AP3B2: variants seen among roughly 807,000 people sequenced by gnomAD.
The protein encoded by AP3B2 is adaptor related protein complex 3 subunit beta 2, also known as AP-3 complex subunit beta-2.
Under a neutral mutation model 126.9 loss-of-function variants are expected in AP3B2, and 50 were observed. The observed-to-expected ratio is 0.39, with a 90% CI of 0.31 to 0.50. The LOEUF (loss-of-function observed/expected upper bound fraction) is 0.50, where lower values mean the gene tolerates loss of function less well. Among genes scored for constraint, AP3B2 ranks in the 20% least tolerant of loss-of-function variants. The pLI is 0.79. For synonymous variants in AP3B2, 541 were observed against 565.0 expected (o/e 0.96, Z 0.60); for missense variants, 1,177 against 1,426.4 (o/e 0.83, Z 2.82).
At chr15:82,705,916 A>G (rs1240277927) in intron 1 of AP3B2, among the ~76,000 whole-genome samples, 1 of 152,016 alleles carries the variant, frequency 6.6e-6, no homozygotes, top group African/African-American at 2.4e-5. Context: ...ACTCCTTTCC[A>G]TTCCTTAAAA....
At chr15:82,671,441 T>TA (rs1483405481) in intron 14 of AP3B2, among the ~76,000 whole-genome samples, 1 of 151,656 alleles carries the variant, frequency 6.6e-6, no homozygotes, top group Non-Finnish European at 1.5e-5. Context: ...GGAGGTTCCT[T>TA]AAAAAACTAA....
chr15:82,694,706 A>G (rs986257432), intron 1 of AP3B2, among the ~76,000 whole-genome samples: 47 of 151,896 alleles, frequency 3.1e-4, no homozygotes, highest in Non-Finnish European at 1.0e-4. Flanking sequence ...AAAAACAAGA[A>G]GTACTACAGA....
chr15:82,661,618 A>G (rs567275903), intron 25 of AP3B2, among the ~76,000 whole-genome samples: 93 of 152,360 alleles, frequency 6.1e-4, no homozygotes, highest in African/African-American at 2.1e-3. Flanking sequence ...GGATGTTTCT[A>G]TGTTTCAACA....
At position 82,680,384 on chromosome 15, in the gene AP3B2, G is replaced by A. The variant is rs893956859; in HGVS notation, c.1055+88C>T. ...GGAGCGGGTGGGCAGAGGTGGAAGC[G>A]GCTGGTGGGCGTGAGGGGGCGGAGC... On this transcript the variant is annotated intron_variant, in intron 8 of 26. Coordinates refer to ENST00000535359, the MANE Select transcript of AP3B2 (RefSeq NM_001278512.2). This position sits in a 1 kb window ranked among gnomAD's most constrained non-coding sequence, Gnocchi z 6.1. 5.5e-6 allele frequency: 8 copies of A among 1,453,962 alleles called. No homozygotes were observed. Among genetic ancestry groups the A allele is most frequent in the Admixed American group, 2.2e-5 (1 of 45,106 alleles). The allele number at this position is 1,453,962 out of a possible 1,614,324, so 90.1% of individuals were successfully genotyped here.
At chr15:82,706,002 G>T (rs927709627) in intron 1 of AP3B2, among the ~76,000 whole-genome samples, 7 of 152,146 alleles carry the variant, frequency 4.6e-5, no homozygotes, top group African/African-American at 1.7e-4. Flanking sequence ...CAGCCAAAGT[G>T]CAGGGCTGTG....
rs189183179 is a variant in AP3B2, at chr15:82,670,537, A to G, written c.1666-3604T>C. Among the ~76,000 whole-genome samples, 268 of 152,372 alleles carry G rather than the reference A, an allele frequency of 1.8e-3. 1 individual carries two copies. Among genetic ancestry groups the G allele is most frequent in the South Asian group, 5.2e-3 (25 of 4,834 alleles). On this transcript the variant is annotated intron_variant, in intron 14 of 26. Coordinates refer to ENST00000535359, the MANE Select transcript of AP3B2 (RefSeq NM_001278512.2). The stretch of plus-strand genomic sequence containing the variant: ...TAAAACCAGACCCCTATCTCTCACC[A>G]TATGCAAAAATCAAATCATAGTGGA...
chr15:82,670,160 A>G (rs1236299705), intron 14 of AP3B2, among the ~76,000 whole-genome samples: 11 of 103,966 alleles, frequency 1.1e-4, no homozygotes. Flanking sequence ...CCTAGGCTGG[A>G]GTGCAGTGGC....
At chr15:82,669,466 G>A (rs1285534427) in intron 14 of AP3B2, among the ~76,000 whole-genome samples, 1 of 152,300 alleles carries the variant, frequency 6.6e-6, no homozygotes. Context: ...GGCCGAGGCA[G>A]GCAGATCGTG....
intron 1 of AP3B2, chr15:82,691,782 C>G (rs2048538967): frequency 5.1e-6 from 8 of 1,555,056 alleles, no homozygotes; most frequent in Admixed American, 1.7e-5. Context: ...TATGGAGAGT[C>G]ACGGCCCCTT....
chr15:82,662,580 T>TC, intron 23 of AP3B2, 114 bp downstream of exon 23: 2 of 969,716 alleles, frequency 2.1e-6, no homozygotes, highest in South Asian at 3.2e-5. Context: ...AGATGCTATC[T>TC]CTGTGCCCCT....
At chr15:82,693,238 C>T (rs2048574773) in intron 1 of AP3B2, among the ~76,000 whole-genome samples, 1 of 120,564 alleles carries the variant, frequency 8.3e-6, no homozygotes, top group South Asian at 3.0e-4. Flanking sequence ...ATTGGGACAA[C>T]TGCTTTGCAG....
At chr15:82,701,027 A>T (rs1302618024) in intron 1 of AP3B2, among the ~76,000 whole-genome samples, 3 of 151,866 alleles carry the variant, frequency 2.0e-5, no homozygotes, top group Non-Finnish European at 4.4e-5. Flanking sequence ...CAACTGGCTA[A>T]TTTTTGTATT....
intron 1 of AP3B2, among the ~76,000 whole-genome samples, chr15:82,709,293 C>G (rs2048841582): frequency 6.6e-6 from 1 of 152,182 alleles, no homozygotes; most frequent in African/African-American, 2.4e-5. Flanking sequence ...CCTAACGCAA[C>G]GCCGCAAACC....
In AP3B2 at chr15:82,681,241, C is replaced by T; in HGVS notation, c.522-63G>A. ...AGCCCCAGCCTTCCCAATATCTGTC[C>T]AAGCCATGCTCACCTCCTGCACCCC... On this transcript the variant is annotated intron_variant, in intron 5 of 26. Coordinates refer to ENST00000535359, the MANE Select transcript of AP3B2 (RefSeq NM_001278512.2). The surrounding 1 kb of genome is among the most constrained non-coding windows in gnomAD (Gnocchi z 4.0). 3 of 1,559,790 alleles carry T rather than the reference C, an allele frequency of 1.9e-6. No homozygotes were observed. The highest frequency in any genetic ancestry group is 2.4e-5 in the East Asian group (1 of 42,286).
At chr15:82,672,612 AT>A (rs1260594038) in intron 14 of AP3B2, among the ~76,000 whole-genome samples, 1 of 152,200 alleles carries the variant, frequency 6.6e-6, no homozygotes, top group East Asian at 1.9e-4. Flanking sequence ...AGAGAGTGTA[AT>A]TTGATTGTTT....
chr15:82,689,760 T>A (rs2048492472), intron 1 of AP3B2: 1 of 353,198 alleles, frequency 2.8e-6, no homozygotes, highest in Non-Finnish European at 5.3e-6. Context: ...AATGCAATCC[T>A]ACTCTAATAG....
Position 82,676,697 on chromosome 15 carries a change from G to T in AP3B2, c.1489-60C>A. On this transcript the variant is annotated intron_variant, in intron 13 of 26. Transcript: ENST00000535359. ...TACGGGAAAGTGGGTGGGTAGGATT[G>T]TGGACTTCCAGGGAAACAGCACTCC... The T allele has an allele frequency of 2.6e-6, 4 of 1,560,952 alleles. No homozygotes were observed. The East Asian group carries it at 6.8e-5, about 26-fold the overall frequency.
Position 82,680,454 on chromosome 15 carries a change from G to T in AP3B2, c.1055+18C>A. 6.8e-7 allele frequency: 1 copy of T among 1,464,056 alleles called. No homozygotes were observed. Among genetic ancestry groups the T allele is most frequent in the Non-Finnish European group, 9.0e-7 (1 of 1,110,148 alleles). The allele number at this position is 1,464,056 out of a possible 1,614,324, so 90.7% of individuals were successfully genotyped here. ...GGCAGGAGGCGAGGGAGGGGGCGGGGCTGGGGGCGGAGCGCACCTGTGGCT... is the reference window on the plus strand; with the variant it reads ...GGCAGGAGGCGAGGGAGGGGGCGGGTCTGGGGGCGGAGCGCACCTGTGGCT... On this transcript the variant is annotated intron_variant, in intron 8 of 26. Coordinates refer to ENST00000535359, the MANE Select transcript of AP3B2 (RefSeq NM_001278512.2). This position sits in a 1 kb window ranked among gnomAD's most constrained non-coding sequence, Gnocchi z 6.1.
intron 4 of AP3B2, among the ~76,000 whole-genome samples, chr15:82,684,319 T>C (rs1175271497): frequency 6.6e-6 from 1 of 152,210 alleles, no homozygotes; most frequent in Non-Finnish European, 1.5e-5. Flanking sequence ...CCATCAGCAC[T>C]TTTGCTTCAC....
Sources: gnomAD v4.1 joint callset for allele counts (sites outside exome capture counted in the v4.1 genomes callset) on GRCh38, gnomAD v4.1.1 for gene constraint, Gnocchi (gnomAD v3.1) non-coding constraint, MANE v1.5 for transcripts, NCBI Gene and HGNC (gene_info 2026-07-23, HGNC 2026-07-21) for gene names.